Variants in RGS17 observed in about 807,000 individuals in gnomAD.
RGS17 encodes regulator of G-protein signaling 17.
RGS17 carries 12 observed loss-of-function variants against 25.5 expected under a neutral mutation model. The ratio of observed to expected loss-of-function variants is 0.47; its 90% CI spans 0.30 to 0.76. The LOEUF is 0.76. Ranked by LOEUF, RGS17 falls within the 30% of genes least tolerant of loss-of-function variation. The probability of loss-of-function intolerance (pLI) is 0.07; values close to 1 mark genes in which losing one functional copy is unlikely to be tolerated. For missense variants in RGS17, 196 were observed against 242.2 expected, an observed-to-expected ratio of 0.81 and a Z score of 1.27; for synonymous variants, 71 against 76.9, an observed-to-expected ratio of 0.92 and a Z score of 0.40.
rs55655703 is a variant in RGS17 at position 153,070,673 on chromosome 6, T to TTGTGTGTGTGTGTGTGTG, written c.-25-26648_-25-26631dup. Among the ~76,000 whole-genome samples the TTGTGTGTGTGTGTGTGTG allele has an allele frequency of 1.9e-3, 274 of 145,050 alleles. 2 individuals carry two copies. The highest frequency in any genetic ancestry group is 3.6e-3 in the Middle Eastern group (1 of 276). ...CCATCCCTCAGTACCACATGGAAGA[T>TTGTGTGTGTGTGTGTGTG]TGTGTGTGTGTGTGTGTGTGTGTGT... is the stretch of plus-strand genomic sequence containing the variant. On this transcript the variant is annotated intron_variant, in intron 1 of 4. Transcript: ENST00000206262.
chr6:153,078,031 G>A (rs1313071391), intron 1 of RGS17, among the ~76,000 whole-genome samples: 10 of 151,944 alleles, frequency 6.6e-5, no homozygotes, highest in African/African-American at 1.7e-4. Flanking sequence ...CCACCACCAC[G>A]TCTGGCTTAT....
intron 4 of RGS17, among the ~76,000 whole-genome samples, chr6:153,018,427 T>C (rs1041775569): frequency 6.6e-6 from 1 of 152,202 alleles, no homozygotes; most frequent in Non-Finnish European, 1.5e-5. Context: ...TGTAAAGTGG[T>C]ACCATCGGTC....
intron 1 of RGS17, among the ~76,000 whole-genome samples, chr6:153,098,045 C>G (rs1777243518): frequency 1.3e-5 from 2 of 152,118 alleles, no homozygotes; most frequent in South Asian, 4.1e-4. Context: ...CTTCCAAGAG[C>G]TGCCAGGAAA....
At position 153,054,092 on chromosome 6, in the gene RGS17, T is replaced by TATATATATATATATATATGTATA. The variant is rs1393844507; in HGVS notation, c.-25-10050_-25-10049insTATACATATATATATATATATAT. On this transcript the variant is annotated intron_variant, in intron 1 of 4. Coordinates refer to ENST00000206262, the MANE Select transcript of RGS17 (RefSeq NM_012419.5). ...CATATATATATACACACAATATTTT[T>TATATATATATATATATATGTATA]TATATATATATATATATATATGTGT... Among the ~76,000 whole-genome samples, 2 of 42,100 alleles carry TATATATATATATATATATGTATA rather than the reference T, an allele frequency of 4.8e-5. 1 individual carries two copies. The highest frequency in any genetic ancestry group is 2.3e-4 in the African/African-American group (2 of 8,632). 27.6% of individuals were successfully genotyped at this position (42,100 alleles called of 152,430 possible). A position where few individuals can be genotyped will look rare whatever the true frequency, so the allele number is the denominator to read the frequency against.
chr6:153,060,856 A>G (rs917244384), intron 1 of RGS17, among the ~76,000 whole-genome samples: 6 of 152,324 alleles, frequency 3.9e-5, no homozygotes, highest in South Asian at 4.1e-4. Flanking sequence ...CCAGTATTTC[A>G]TCTAGAACAA....
chr6:153,024,187 C>T, intron 4 of RGS17, 75 bp downstream of exon 4: 1 of 928,630 alleles, frequency 1.1e-6, no homozygotes. Context: ...CATGCCCTAC[C>T]CAATGTGGAC....
intron 1 of RGS17, among the ~76,000 whole-genome samples, chr6:153,070,673 TTGTGTGTGTG>T (rs55655703): frequency 3.4e-5 from 5 of 144,982 alleles, no homozygotes; most frequent in Non-Finnish European, 7.5e-5. Flanking sequence ...ACATGGAAGA[TTGTGTGTGTG>T]TGTGTGTGTG....
intron 1 of RGS17, among the ~76,000 whole-genome samples, chr6:153,095,713 T>C (rs1171817241): frequency 1.3e-5 from 2 of 152,196 alleles, no homozygotes; most frequent in Non-Finnish European, 2.9e-5. Context: ...TACATATTAT[T>C]CATATTTGTT....
At chr6:153,060,982 G>T (rs936121438) in intron 1 of RGS17, among the ~76,000 whole-genome samples, 9 of 152,126 alleles carry the variant, frequency 5.9e-5, no homozygotes, top group Admixed American at 5.9e-4. Flanking sequence ...AGTGAAAAAA[G>T]GAGAATGAGA....
chr6:153,017,621 T>C lies in RGS17; in HGVS notation c.445-5859A>G, dbSNP rs575929509. ...AAGGGAAAATTTGATCCTATGGACA[T>C]TTTTGGCATAATTATACGAGAATAT... On this transcript the variant is annotated intron_variant, in intron 4 of 4. Transcript: ENST00000206262. Among the ~76,000 whole-genome samples the C allele has an allele frequency of 2.0e-5, 3 of 152,316 alleles. No homozygotes were observed. The East Asian group carries it at 5.8e-4, about 29-fold the overall frequency.
intron 1 of RGS17, among the ~76,000 whole-genome samples, chr6:153,110,347 C>A (rs1272377986): frequency 6.6e-6 from 1 of 151,832 alleles, no homozygotes; most frequent in African/African-American, 2.4e-5. Context: ...TCTCTACCAG[C>A]ACCTCTGCTT....
chr6:153,107,931 C>T (rs1194579421), intron 1 of RGS17, among the ~76,000 whole-genome samples: 2 of 152,042 alleles, frequency 1.3e-5, no homozygotes, highest in Non-Finnish European at 2.9e-5. Context: ...CAAAGCCATC[C>T]GTTATTGTGT....
At chr6:153,023,357 G>A (rs1374386006) in intron 4 of RGS17, 2 of 509,318 alleles carry the variant, frequency 3.9e-6, no homozygotes, top group African/African-American at 1.9e-5. Flanking sequence ...GACAAAAAGA[G>A]GCTGGGATGG....
rs1324512711 is a variant in RGS17 at position 153,043,909 on chromosome 6, CT to C, written c.109del (p.Ser37AlafsTer7). 1 of 1,607,720 alleles carries C rather than the reference CT, an allele frequency of 6.2e-7. No homozygotes were observed. The highest frequency in any genetic ancestry group is 1.3e-5 in the African/African-American group (1 of 74,404). On this transcript the variant is annotated frameshift_variant, in exon 2 of 5. Transcript: ENST00000206262. LOFTEE classifies it high-confidence loss of function. ...TCCFCWCCCC[S>X]CSCLTVRNEE... is the part of the protein sequence containing the mutation. ...AGGTAACATGACATACCAGGAGCAGCTGCAACAACAGCACCAACAAAAGCAA... is the reference window on the plus strand; with the variant it reads ...AGGTAACATGACATACCAGGAGCAGCGCAACAACAGCACCAACAAAAGCAA...
chr6:153,108,062 G>T (rs898949240), intron 1 of RGS17, among the ~76,000 whole-genome samples: 1 of 152,042 alleles, frequency 6.6e-6, no homozygotes, highest in South Asian at 2.1e-4. Flanking sequence ...GTCAGTTATG[G>T]GGCAATCTCC....
At chr6:153,079,250 G>T (rs1360366261) in intron 1 of RGS17, among the ~76,000 whole-genome samples, 1 of 152,014 alleles carries the variant, frequency 6.6e-6, no homozygotes, top group Non-Finnish European at 1.5e-5. Context: ...GCTAATCTTT[G>T]TATTTTTAGC....
chr6:153,068,773 T>C (rs1380491883), intron 1 of RGS17, among the ~76,000 whole-genome samples: 1 of 151,962 alleles, frequency 6.6e-6, no homozygotes, highest in Non-Finnish European at 1.5e-5. Flanking sequence ...TATAATAATC[T>C]GATCAAAAAA....
rs147472521 is a variant in RGS17, at chr6:153,037,896, G to A, written c.119+6004C>T. 5.2e-3 allele frequency among the ~76,000 whole-genome samples: 795 copies of A among 152,234 alleles called. 9 individuals carry two copies. The highest frequency in any genetic ancestry group is 0.017 in the African/African-American group (697 of 41,542). Reference sequence around the variant, plus strand: ...CATGGGGCAGACAGGAGTATCACTCGTATAAAAAATGGTTCAGTGGGTTGG... The same window carrying A: ...CATGGGGCAGACAGGAGTATCACTCATATAAAAAATGGTTCAGTGGGTTGG... On this transcript the variant is annotated intron_variant, in intron 2 of 4. Coordinates refer to ENST00000206262, the MANE Select transcript of RGS17 (RefSeq NM_012419.5).
At chr6:153,118,084 G>T (rs1777569127) in intron 1 of RGS17, among the ~76,000 whole-genome samples, 1 of 152,136 alleles carries the variant, frequency 6.6e-6, no homozygotes, top group Non-Finnish European at 1.5e-5. Flanking sequence ...CAGAGGGAGT[G>T]GCAAGTGCCA....
Sources: allele counts gnomAD v4.1 joint callset (sites outside exome capture counted in the v4.1 genomes callset), GRCh38; gene constraint gnomAD v4.1.1; transcripts MANE v1.5; gene names NCBI Gene and HGNC (gene_info 2026-07-23, HGNC 2026-07-21).